The following RBX1 variants were observed in gnomAD, a reference collection of about 807,000 sequenced individuals.
RBX1 encodes the protein E3 ubiquitin-protein ligase RBX1.
For missense variants in RBX1, 46 were observed against 141.4 expected (o/e 0.33, Z 3.42); for synonymous variants, 48 against 47.9 (o/e 1.00, Z -0.01).
chr22:40,952,093 A>C (rs1332310454), intron 1 of RBX1, among the ~76,000 whole-genome samples: 2 of 151,624 alleles, frequency 1.3e-5, no homozygotes, highest in Admixed American at 1.3e-4. Context: ...CAACCACCCC[A>C]CTCTTGGGTT....
At chr22:40,957,122 G>A (rs1302464622) in intron 2 of RBX1, among the ~76,000 whole-genome samples, 1 of 150,944 alleles carries the variant, frequency 6.6e-6, no homozygotes, top group Non-Finnish European at 1.5e-5. Context: ...CTGAGGCGGG[G>A]GGATCATGAG....
chr22:40,961,119 GCT>G lies in RBX1; in HGVS notation c.158-2925_158-2924del, dbSNP rs1359085034. On this transcript the variant is annotated intron_variant, in intron 2 of 4. Transcript: ENST00000216225. ...TTTTTTTTTTTGATAACAAGGTTTT[GCT>G]CTGTCACCTAGGCTGGAGTGCAGTG... 5.4e-5 allele frequency among the ~76,000 whole-genome samples: 5 copies of G among 92,038 alleles called. 1 individual carries two copies. In the Admixed American group the frequency reaches 7.6e-4, roughly 14 times the overall value. The allele number at this position is 92,038 out of a possible 152,430, so 60.4% of individuals were successfully genotyped here.
chr22:40,970,245 G>A (rs2058365381), intron 4 of RBX1, among the ~76,000 whole-genome samples: 1 of 151,066 alleles, frequency 6.6e-6, no homozygotes, highest in Admixed American at 6.6e-5. Flanking sequence ...CCAGCTATTT[G>A]GGAGGCTGAG....
intron 4 of RBX1, 91 bp downstream of exon 4, chr22:40,967,975 C>CTTGTTT: frequency 1.2e-6 from 1 of 821,670 alleles, no homozygotes; most frequent in Non-Finnish European, 2.0e-6. Context: ...TGATACATGC[C>CTTGTTT]TTGTTTTTTT....
chr22:40,971,011 G>A (rs538552794), intron 4 of RBX1, among the ~76,000 whole-genome samples: 8 of 152,218 alleles, frequency 5.3e-5, no homozygotes, highest in Admixed American at 2.0e-4. Context: ...ATTCTACAGG[G>A]AACCATAACA....
At chr22:40,969,267 G>A (rs529957929) in intron 4 of RBX1, among the ~76,000 whole-genome samples, 2 of 152,072 alleles carry the variant, frequency 1.3e-5, no homozygotes, top group Non-Finnish European at 2.9e-5. Flanking sequence ...GGCTGAGATC[G>A]CACCATCGCA....
intron 3 of RBX1, chr22:40,967,508 A>G (rs922158575): frequency 4.3e-6 from 1 of 231,336 alleles, no homozygotes; most frequent in East Asian, 9.3e-5. Flanking sequence ...GGGACCAAGG[A>G]GCCACATTCC....
rs2058347483 is a variant in RBX1 at position 40,963,945 on chromosome 22, A to C, written c.158-102A>C. On this transcript the variant is annotated intron_variant, in intron 2 of 4. Transcript: ENST00000216225. Reference sequence around the variant, plus strand: ...CTTCCTTTCCCACATTCATTAAAAAACAATTATGGCTAATTAACCACTTGA... The same window carrying C: ...CTTCCTTTCCCACATTCATTAAAAACCAATTATGGCTAATTAACCACTTGA... 4.8e-6 allele frequency: 4 copies of C among 827,828 alleles called. No homozygotes were observed. The South Asian group carries it at 5.7e-5, about 12-fold the overall frequency. The allele number at this position is 827,828 out of a possible 1,614,324, so 51.3% of individuals were successfully genotyped here.
At chr22:40,961,371 G>A (rs1170341816) in intron 2 of RBX1, among the ~76,000 whole-genome samples, 2 of 151,658 alleles carry the variant, frequency 1.3e-5, no homozygotes, top group African/African-American at 2.4e-5. Context: ...AGGTGTGAGC[G>A]ACTGTGCCTG....
intron 2 of RBX1, among the ~76,000 whole-genome samples, chr22:40,955,266 T>A (rs1459629181): frequency 6.6e-6 from 1 of 151,788 alleles, no homozygotes; most frequent in African/African-American, 2.4e-5. Flanking sequence ...TTTCCTTTTT[T>A]TTTTTTTTTG....
chr22:40,953,760 ATCTAG>A, intron 2 of RBX1, 127 bp downstream of exon 2: 1 of 664,616 alleles, frequency 1.5e-6, no homozygotes, highest in Non-Finnish European at 2.8e-6. Flanking sequence ...GGTCTTCTGT[ATCTAG>A]TCTGTTGGTG....
At chr22:40,955,790 C>A (rs1324293477) in intron 2 of RBX1, among the ~76,000 whole-genome samples, 6 of 152,112 alleles carry the variant, frequency 3.9e-5, no homozygotes, top group Admixed American at 3.9e-4. Flanking sequence ...CATGTATTGC[C>A]CTTGGCTTCT....
At chr22:40,970,239 C>T (rs1282252834) in intron 4 of RBX1, among the ~76,000 whole-genome samples, 1 of 150,876 alleles carries the variant, frequency 6.6e-6, no homozygotes, top group Admixed American at 6.6e-5. Flanking sequence ...ATAATCCCAG[C>T]TATTTGGGAG....
chr22:40,969,967 G>A (rs1049836838), intron 4 of RBX1, among the ~76,000 whole-genome samples: 5 of 151,268 alleles, frequency 3.3e-5, no homozygotes, highest in African/African-American at 1.2e-4. Flanking sequence ...AGGCTGAGGT[G>A]GGAGGATCGC....
At chr22:40,970,904 G>A (rs898893916) in intron 4 of RBX1, among the ~76,000 whole-genome samples, 3 of 152,166 alleles carry the variant, frequency 2.0e-5, no homozygotes, top group Non-Finnish European at 4.4e-5. Context: ...CTCAGTATCT[G>A]AGTGGTACTG....
At chr22:40,957,756 C>G (rs2077266830) in intron 2 of RBX1, among the ~76,000 whole-genome samples, 1 of 152,122 alleles carries the variant, frequency 6.6e-6, no homozygotes, top group Non-Finnish European at 1.5e-5. Flanking sequence ...CAGCCTTGAC[C>G]TGGGATCAAG....
intron 4 of RBX1, among the ~76,000 whole-genome samples, chr22:40,971,301 C>T (rs1177392400): frequency 3.9e-5 from 6 of 152,176 alleles, no homozygotes; most frequent in Non-Finnish European, 7.3e-5. Context: ...GATTGTTCTA[C>T]AGCCCATCTC....
intron 4 of RBX1, among the ~76,000 whole-genome samples, chr22:40,969,927 G>T (rs1037164326): frequency 1.3e-5 from 2 of 151,670 alleles, no homozygotes; most frequent in African/African-American, 4.8e-5. Context: ...TGGATGTGGT[G>T]CCATGCACTT....
intron 4 of RBX1, among the ~76,000 whole-genome samples, chr22:40,970,053 TAAAAA>T (rs71328761): frequency 7.3e-5 from 8 of 109,674 alleles, no homozygotes; most frequent in East Asian, 2.5e-4. Context: ...AGACCCAATT[TAAAAA>T]AAAAAAAAAA....
Sources: allele counts gnomAD v4.1 joint callset (sites outside exome capture counted in the v4.1 genomes callset), GRCh38; gene constraint gnomAD v4.1.1; transcripts MANE v1.5; gene names NCBI Gene and HGNC (gene_info 2026-07-23, HGNC 2026-07-21).